The following TLN2 variants were observed in gnomAD, a reference collection of about 807,000 sequenced individuals.
TLN2 encodes talin 2, also known as talin-2.
Under a neutral mutation model 294.7 loss-of-function variants are expected in TLN2, and 118 were observed. The observed-to-expected ratio is 0.40, with a 90% CI of 0.34 to 0.47. The LOEUF (loss-of-function observed/expected upper bound fraction) is 0.47, where lower values mean the gene tolerates loss of function less well. Among genes scored for constraint, TLN2 ranks in the 20% least tolerant of loss-of-function variants. The pLI is 0.84. For synonymous variants in TLN2, 1,431 were observed against 1,304.5 expected, an observed-to-expected ratio of 1.10 and a Z score of -2.09; for missense variants, 3,083 against 3,282.2, an observed-to-expected ratio of 0.94 and a Z score of 1.48.
intron 1 of TLN2, among the ~76,000 whole-genome samples, chr15:62,413,472 C>T (rs1025272946): frequency 1.3e-5 from 2 of 152,146 alleles, no homozygotes; most frequent in Non-Finnish European, 2.9e-5. Flanking sequence ...AAATCTCAAG[C>T]CAGTAAATAT....
chr15:62,817,016 TTATATA>T (rs1028175679), intron 52 of TLN2, among the ~76,000 whole-genome samples: 1 of 151,966 alleles, frequency 6.6e-6, no homozygotes, highest in African/African-American at 2.4e-5. Flanking sequence ...CAGTAGCTCT[TTATATA>T]TATATATTAA....
rs376603709 is a variant in TLN2 at position 62,596,345 on chromosome 15, AT to A, written c.-162+6584del. Among the ~76,000 whole-genome samples the A allele has an allele frequency of 5.8e-3, 878 of 152,210 alleles. 5 individuals carry two copies. The highest frequency in any genetic ancestry group is 0.018 in the African/African-American group (763 of 41,522). ...CTTATCACAAAAAAAATACGTTAAC[AT>A]ATGTTAACTAGCTTGATTTAGTCAT... On this transcript the variant is annotated intron_variant, in intron 2 of 58. Coordinates refer to ENST00000636159, the MANE Select transcript of TLN2 (RefSeq NM_015059.3).
Position 62,762,367 on chromosome 15 carries a change from C to T in TLN2, c.4875C>T (p.Asn1625=). Residue 1625 remains asparagine (N), a synonymous_variant, in exon 39 of 59, where the codon AAC becomes AAT. Coordinates refer to ENST00000636159, the MANE Select transcript of TLN2 (RefSeq NM_015059.3). The part of the protein sequence containing the change: ...LIRTARSLAI[N]PKDPPTWSVL... ...GCACTGCACGCTCTCTGGCCATCAA[C>T]CCCAAAGACCCACCCACCTGGTCTG... 1 of 1,614,188 alleles carries T rather than the reference C, an allele frequency of 6.2e-7. No homozygotes were observed. The highest frequency in any genetic ancestry group is 1.3e-5 in the African/African-American group (1 of 75,034).
chr15:62,803,485 A>C (rs1278015190), intron 50 of TLN2, among the ~76,000 whole-genome samples: 1 of 152,256 alleles, frequency 6.6e-6, no homozygotes, highest in Non-Finnish European at 1.5e-5. Flanking sequence ...TCCTGTAGGC[A>C]TGCTTCATTG....
rs1400129046 is a variant in TLN2, at chr15:62,755,609, G to A, written c.4554G>A (p.Thr1518=). ...CNACRIASSK[T]ANPVAKRHFV... is the part of the protein sequence containing the mutation. ...CCTGCCGCATCGCCTCATCCAAGAC[G>A]GCCAACCCAGTAGCCAAGAGGCACT... The change falls in exon 37 of 59, where the codon ACG becomes ACA. Residue 1518 remains threonine, a synonymous_variant. Coordinates refer to ENST00000636159, the MANE Select transcript of TLN2 (RefSeq NM_015059.3). The A allele has an allele frequency of 6.2e-6, 10 of 1,614,070 alleles. No homozygotes were observed. The highest frequency in any genetic ancestry group is 8.5e-6 in the Non-Finnish European group (10 of 1,180,024).
chr15:62,744,779 C>G (rs1018519710), intron 32 of TLN2, among the ~76,000 whole-genome samples: 1 of 152,122 alleles, frequency 6.6e-6, no homozygotes, highest in Non-Finnish European at 1.5e-5. Context: ...AACTCCTGAC[C>G]TAGTGATCCA....
chr15:62,728,753 C>T (rs1314560578), intron 28 of TLN2, among the ~76,000 whole-genome samples: 1 of 152,032 alleles, frequency 6.6e-6, no homozygotes, highest in African/African-American at 2.4e-5. Context: ...GTCTTTTCCT[C>T]ATTTATAGGA....
chr15:62,537,104 C>T (rs1046648814), intron 1 of TLN2, among the ~76,000 whole-genome samples: 5 of 151,840 alleles, frequency 3.3e-5, no homozygotes, highest in East Asian at 1.9e-4. Flanking sequence ...CTGCAAGCTC[C>T]GCCTCCTGGG....
chr15:62,750,438 G>T lies in TLN2; in HGVS notation c.4156G>T (p.Val1386Phe), dbSNP rs1202948508. ...GATGTTGGACAATCCTAATGAACCT[G>T]TTAGTGACCTCTCTTACTTTGACTG... ...KGMLDNPNEP[V>F]SDLSYFDCIE... is the part of the protein sequence containing the mutation. The change falls in exon 34 of 59, where the codon GTT (valine) becomes TTT (phenylalanine). Residue 1386 changes from valine (V) to phenylalanine (F), a missense_variant. Physicochemically the swap from Val to Phe is conservative, Grantham distance 50 (BLOSUM62 -1). Transcript: ENST00000636159. 1.2e-6 allele frequency: 2 copies of T among 1,614,180 alleles called. No individual in the cohort carries two copies. The highest frequency in any genetic ancestry group is 3.3e-5 in the Admixed American group (2 of 60,022).
In TLN2 at chr15:62,819,634, C is replaced by G. The variant is rs1306836885; in HGVS notation, c.6877+13C>G. On this transcript the variant is annotated intron_variant, in intron 53 of 58. Transcript: ENST00000636159. The stretch of plus-strand genomic sequence containing the variant: ...GAAGCCATGAAAGGTAGGCTGGATT[C>G]TCACGTCTTGGTGGAGGGCAACCCT... 6 of 1,605,686 alleles carry G rather than the reference C, an allele frequency of 3.7e-6. No homozygotes were observed. Among genetic ancestry groups the G allele is most frequent in the Admixed American group, 1.7e-5 (1 of 60,020 alleles).
At chr15:62,504,536 A>G (rs911854727) in intron 1 of TLN2, among the ~76,000 whole-genome samples, 2 of 152,220 alleles carry the variant, frequency 1.3e-5, no homozygotes, top group African/African-American at 2.4e-5. Context: ...TGTATGATCA[A>G]TGGATTTTCA....
intron 2 of TLN2, among the ~76,000 whole-genome samples, chr15:62,610,563 C>T (rs1021011707): frequency 3.3e-5 from 5 of 152,108 alleles, no homozygotes; most frequent in Admixed American, 6.6e-5. Context: ...TGTTTAGGGG[C>T]CATTTTAAAC....
At chr15:62,578,552 C>CA in intron 1 of TLN2, among the ~76,000 whole-genome samples, 1 of 152,206 alleles carries the variant, frequency 6.6e-6, no homozygotes, top group Admixed American at 6.5e-5. Context: ...GGTGACAGAA[C>CA]AAGACTCCGT....
intron 3 of TLN2, among the ~76,000 whole-genome samples, chr15:62,640,733 C>T (rs544750087): frequency 5.6e-4 from 85 of 152,292 alleles, no homozygotes; most frequent in Middle Eastern, 3.4e-3. Flanking sequence ...AGTTCTGTGT[C>T]TAGGAAAAGC....
intron 1 of TLN2, among the ~76,000 whole-genome samples, chr15:62,537,117 C>T (rs2041400265): frequency 6.6e-6 from 1 of 151,654 alleles, no homozygotes; most frequent in Admixed American, 6.6e-5. Flanking sequence ...CTCCTGGGTT[C>T]ATGCCATTCC....
At chr15:62,583,973 C>A (rs1034704182) in intron 1 of TLN2, among the ~76,000 whole-genome samples, 9 of 152,124 alleles carry the variant, frequency 5.9e-5, no homozygotes, top group Non-Finnish European at 1.3e-4. Context: ...TTCTTGCCCT[C>A]CTAGTAAGCA....
chr15:62,648,841 G>A (rs955505733), intron 4 of TLN2, among the ~76,000 whole-genome samples: 1 of 151,794 alleles, frequency 6.6e-6, no homozygotes, highest in African/African-American at 2.4e-5. Flanking sequence ...GAGCCACCAC[G>A]CCTGGACGAT....
chr15:62,800,476 C>T lies in TLN2; in HGVS notation c.6343C>T (p.Leu2115Phe). ...KPVDDPSMYQ[L>F]KGAAKVMVTN... ...AGTGGACGACCCTTCCATGTACCAG[C>T]TCAAGGGGGCTGCCAAGGTAGAGTG... Residue 2115 changes from leucine (L) to phenylalanine (F), a missense_variant, in exon 49 of 59, where the codon CTC (leucine) becomes TTC (phenylalanine). Leu to Phe is a conservative substitution (Grantham distance 22). Coordinates refer to ENST00000636159, the MANE Select transcript of TLN2 (RefSeq NM_015059.3). 1.9e-6 allele frequency: 3 copies of T among 1,614,174 alleles called. No homozygotes were observed. Among genetic ancestry groups the T allele is most frequent in the Non-Finnish European group, 2.5e-6 (3 of 1,180,014 alleles).
rs181542443 is a variant in TLN2 at position 62,711,018 on chromosome 15, G to A, written c.2468-893G>A. On this transcript the variant is annotated intron_variant, in intron 21 of 58. Transcript: ENST00000636159. ...TGGGATTACAGGCGTGAGCCACCGC[G>A]CCTGGCCCTGCTGATGTCCTTTTAC... Among the ~76,000 whole-genome samples the A allele has an allele frequency of 6.1e-4, 93 of 152,090 alleles. No homozygotes were observed. In the East Asian group the frequency reaches 0.015, roughly 24 times the overall value.
Sources: allele counts gnomAD v4.1 joint callset (sites outside exome capture counted in the v4.1 genomes callset), GRCh38; gene constraint gnomAD v4.1.1; transcripts MANE v1.5; gene names NCBI Gene and HGNC (gene_info 2026-07-23, HGNC 2026-07-21).